RARB: variants seen among roughly 807,000 people sequenced by gnomAD.
The protein encoded by RARB is HBV-activated protein.
Under a neutral mutation model 51.9 loss-of-function variants are expected in RARB, and 17 were observed. That is an observed-to-expected ratio of 0.33 (90% CI 0.22 to 0.49). RARB has a LOEUF of 0.49. Ranked by LOEUF, RARB falls within the 20% of genes least tolerant of loss-of-function variation. RARB has a pLI of 0.99. For missense variants in RARB, 369 were observed against 550.8 expected, an observed-to-expected ratio of 0.67 and a Z score of 3.30; for synonymous variants, 215 against 195.4, an observed-to-expected ratio of 1.10 and a Z score of -0.84.
intron 2 of RARB, among the ~76,000 whole-genome samples, chr3:25,466,804 G>A (rs568565928): frequency 6.6e-6 from 1 of 152,318 alleles, no homozygotes; most frequent in South Asian, 2.1e-4. Context: ...TAGCATGAAA[G>A]GTGCTGTAGA....
At chr3:25,467,858 C>G (rs1253726687) in intron 2 of RARB, among the ~76,000 whole-genome samples, 1 of 152,202 alleles carries the variant, frequency 6.6e-6, no homozygotes, top group Non-Finnish European at 1.5e-5. Flanking sequence ...GCTAGAGATA[C>G]AACAGTGAAC....
At chr3:25,320,800 T>C (rs918150172) in intron 5 of RARB, among the ~76,000 whole-genome samples, 2 of 152,220 alleles carry the variant, frequency 1.3e-5, no homozygotes, top group African/African-American at 2.4e-5. Context: ...TTGGGTTCTT[T>C]CCCAGTGAAC....
intron 2 of RARB, among the ~76,000 whole-genome samples, chr3:24,897,325 A>G (rs1414118330): frequency 6.6e-6 from 1 of 151,560 alleles, no homozygotes; most frequent in Non-Finnish European, 1.5e-5. Flanking sequence ...TCGCAGCTCA[A>G]GTTAGGGCTA....
At chr3:25,256,250 G>T (rs1043386726) in intron 5 of RARB, among the ~76,000 whole-genome samples, 1 of 152,066 alleles carries the variant, frequency 6.6e-6, no homozygotes, top group Non-Finnish European at 1.5e-5. Context: ...GCCCCTTCCT[G>T]CCATTAAGAA....
chr3:24,935,496 A>T (rs1159734808), intron 2 of RARB, among the ~76,000 whole-genome samples: 2 of 152,056 alleles, frequency 1.3e-5, no homozygotes, highest in Non-Finnish European at 2.9e-5. Flanking sequence ...CTCATACAGT[A>T]GTCTGTTATG....
intron 1 of RARB, among the ~76,000 whole-genome samples, chr3:25,444,320 G>A (rs6799734): frequency 6.6e-6 from 1 of 152,012 alleles, no homozygotes; most frequent in African/African-American, 2.4e-5. Context: ...TTTCTATTTT[G>A]TTTGCAGGGA....
At chr3:25,154,289 C>T (rs911670771) in intron 4 of RARB, among the ~76,000 whole-genome samples, 5 of 152,202 alleles carry the variant, frequency 3.3e-5, no homozygotes, top group Non-Finnish European at 5.9e-5. Flanking sequence ...TTGCTCCATC[C>T]GAGTTCCTTA....
At chr3:25,177,155 A>C (rs761630288) in intron 5 of RARB, among the ~76,000 whole-genome samples, 1 of 152,262 alleles carries the variant, frequency 6.6e-6, no homozygotes, top group Non-Finnish European at 1.5e-5. Flanking sequence ...AGCTGCTCAG[A>C]TGGAAATGAT....
chr3:25,512,638 C>A (rs1697952456), intron 3 of RARB, among the ~76,000 whole-genome samples: 1 of 152,252 alleles, frequency 6.6e-6, no homozygotes, highest in African/African-American at 2.4e-5. Context: ...GCCTTTCCCT[C>A]CCTACTCCTC....
At chr3:24,863,361 C>T (rs115654342) in intron 2 of RARB, among the ~76,000 whole-genome samples, 135 of 152,282 alleles carry the variant, frequency 8.9e-4, no homozygotes, top group African/African-American at 3.0e-3. Context: ...GTCTATAAAA[C>T]GCTGATAGTT....
rs759589176 is a variant in RARB at position 25,007,592 on chromosome 3, C to CAAAAAAAAAAAAAAAAAAAAAAAAAAAA, written c.-379-52521_-379-52520insAAAAAAAAAAAAAAAAAAAAAAAAAAAA. On this transcript the variant is annotated intron_variant, in intron 2 of 11. Transcript: ENST00000383772. Reference sequence around the variant, plus strand: ...CCTGGGCAACAGAGTGAGACTGTCTCAAAAAAAAAAAACAAAAAAACCTCA... The same window carrying CAAAAAAAAAAAAAAAAAAAAAAAAAAAA: ...CCTGGGCAACAGAGTGAGACTGTCTCAAAAAAAAAAAAAAAAAAAAAAAAAAAAAAAAAAAAAAAACAAAAAAACCTCA... Among the ~76,000 whole-genome samples the CAAAAAAAAAAAAAAAAAAAAAAAAAAAA allele has an allele frequency of 5.3e-4, 24 of 45,370 alleles. 4 individuals are homozygous for CAAAAAAAAAAAAAAAAAAAAAAAAAAAA. The highest frequency in any genetic ancestry group is 1.2e-3 in the African/African-American group (11 of 9,442). 29.8% of individuals were successfully genotyped at this position (45,370 alleles called of 152,430 possible).
chr3:24,886,515 G>T (rs1703269906), intron 2 of RARB, among the ~76,000 whole-genome samples: 2 of 151,464 alleles, frequency 1.3e-5, no homozygotes, highest in South Asian at 2.1e-4. Context: ...CATAATCATG[G>T]CTTACTGCAG....
intron 2 of RARB, among the ~76,000 whole-genome samples, chr3:24,972,250 T>C (rs1696416342): frequency 6.6e-6 from 1 of 152,040 alleles, no homozygotes; most frequent in Non-Finnish European, 1.5e-5. Flanking sequence ...ATATTTGTCT[T>C]TCTGTGCCTC....
intron 5 of RARB, among the ~76,000 whole-genome samples, chr3:25,372,284 G>A (rs985918258): frequency 6.6e-6 from 1 of 152,080 alleles, no homozygotes; most frequent in African/African-American, 2.4e-5. Context: ...AGGATATTTA[G>A]CAACATCCCC....
At chr3:25,263,481 T>C (rs1437193157) in intron 5 of RARB, among the ~76,000 whole-genome samples, 3 of 152,172 alleles carry the variant, frequency 2.0e-5, no homozygotes, top group Non-Finnish European at 4.4e-5. Context: ...CTATAGTTAA[T>C]TTGAAATGTT....
At chr3:25,001,122 G>C (rs576622479) in intron 2 of RARB, among the ~76,000 whole-genome samples, 1 of 152,170 alleles carries the variant, frequency 6.6e-6, no homozygotes, top group South Asian at 2.1e-4. Context: ...GATGGAGGGA[G>C]GGAGGGAAGG....
intron 4 of RARB, among the ~76,000 whole-genome samples, chr3:25,163,504 A>AAAATATATATATATATATATATATATAT (rs1303712411): frequency 6.1e-5 from 8 of 131,088 alleles, no homozygotes; most frequent in African/African-American, 2.6e-4. Context: ...CCTATCTCAA[A>AAAATATATATATATATATATATATATAT]ATATATATAT....
At chr3:25,459,051 C>T (rs530460077) in intron 1 of RARB, among the ~76,000 whole-genome samples, 1 of 152,068 alleles carries the variant, frequency 6.6e-6, no homozygotes, top group South Asian at 2.1e-4. Flanking sequence ...TTATGAAACT[C>T]AATATTTAGA....
At chr3:25,060,572 A>G (rs774316216) in intron 3 of RARB, among the ~76,000 whole-genome samples, 1 of 151,906 alleles carries the variant, frequency 6.6e-6, no homozygotes, top group African/African-American at 2.4e-5. Context: ...GTGTGACTAC[A>G]TTCCAATAAA....
Sources: allele counts gnomAD v4.1 joint callset (sites outside exome capture counted in the v4.1 genomes callset), GRCh38; gene constraint gnomAD v4.1.1; transcripts MANE v1.5; gene names NCBI Gene and HGNC (gene_info 2026-07-23, HGNC 2026-07-21).